Variants in NKAIN2 observed in about 807,000 individuals in gnomAD.
NKAIN2 encodes the protein sodium/potassium transporting ATPase interacting 2, also known as sodium/potassium-transporting ATPase subunit beta-1-interacting protein 2.
In NKAIN2, 14 loss-of-function variants were observed where a neutral mutation model predicts 32.6. The ratio of observed to expected loss-of-function variants is 0.43; its 90% CI spans 0.28 to 0.67. NKAIN2 has a LOEUF of 0.67. Among genes scored for constraint, NKAIN2 ranks in the 30% least tolerant of loss-of-function variants. The pLI, the probability that NKAIN2 is intolerant of heterozygous loss-of-function variation, is 0.17. For synonymous variants in NKAIN2, 80 were observed against 87.2 expected (o/e 0.92, Z 0.46); for missense variants, 198 against 258.3 (o/e 0.77, Z 1.60).
chr6:124,748,985 C>T (rs1777586750), intron 4 of NKAIN2, among the ~76,000 whole-genome samples: 1 of 151,968 alleles, frequency 6.6e-6, no homozygotes, highest in East Asian at 1.9e-4. Context: ...CTAACACAGT[C>T]TCACTGAGCT....
At chr6:124,771,368 A>C (rs1051681475) in intron 4 of NKAIN2, among the ~76,000 whole-genome samples, 2 of 152,216 alleles carry the variant, frequency 1.3e-5, no homozygotes, top group Non-Finnish European at 2.9e-5. Flanking sequence ...CCTCAAAAAA[A>C]TTGATAATTG....
chr6:124,089,175 A>G (rs887158093), intron 1 of NKAIN2, among the ~76,000 whole-genome samples: 3 of 151,956 alleles, frequency 2.0e-5, no homozygotes, highest in Non-Finnish European at 2.9e-5. Flanking sequence ...CAAGCTATAT[A>G]ACAAGTTAGA....
At chr6:124,711,103 T>G (rs1443546568) in intron 4 of NKAIN2, among the ~76,000 whole-genome samples, 35 of 143,620 alleles carry the variant, frequency 2.4e-4, no homozygotes, top group Non-Finnish European at 1.5e-5. Context: ...TTAGTTTGGC[T>G]GGATATGAAA....
intron 3 of NKAIN2, among the ~76,000 whole-genome samples, chr6:124,556,036 T>C (rs1264231727): frequency 1.3e-5 from 2 of 151,318 alleles, no homozygotes; most frequent in Non-Finnish European, 2.9e-5. Context: ...AAAAACTTCT[T>C]CCAATTCTCC....
At chr6:124,185,073 A>G (rs1362277450) in intron 1 of NKAIN2, among the ~76,000 whole-genome samples, 2 of 152,132 alleles carry the variant, frequency 1.3e-5, no homozygotes, top group African/African-American at 4.8e-5. Flanking sequence ...TTCCAATATA[A>G]TGATTTAAAT....
intron 3 of NKAIN2, among the ~76,000 whole-genome samples, chr6:124,360,032 A>C (rs1210066706): frequency 6.6e-6 from 1 of 152,170 alleles, no homozygotes; most frequent in Non-Finnish European, 1.5e-5. Context: ...TGAGATAATC[A>C]TGTGGTTTTT....
intron 1 of NKAIN2, among the ~76,000 whole-genome samples, chr6:123,804,912 T>A (rs1361292983): frequency 6.6e-6 from 1 of 152,152 alleles, no homozygotes; most frequent in Admixed American, 6.5e-5. Flanking sequence ...CACAGACAAT[T>A]CCAAGAAAAA....
intron 3 of NKAIN2, among the ~76,000 whole-genome samples, chr6:124,503,037 G>T (rs1469862240): frequency 1.3e-5 from 2 of 152,022 alleles, no homozygotes; most frequent in East Asian, 1.9e-4. Context: ...GATTAATTTT[G>T]AGACTTTCAA....
chr6:124,806,016 G>T (rs1354200495), intron 5 of NKAIN2, among the ~76,000 whole-genome samples: 1 of 152,060 alleles, frequency 6.6e-6, no homozygotes, highest in Non-Finnish European at 1.5e-5. Context: ...CGTCTGATTG[G>T]TGTACCTGAA....
intron 1 of NKAIN2, among the ~76,000 whole-genome samples, chr6:123,849,878 G>GTTT (rs748140054): frequency 1.0e-4 from 15 of 148,200 alleles, no homozygotes; most frequent in Non-Finnish European, 1.9e-4. Context: ...ATGAGTCAGT[G>GTTT]TTTATTATTA....
At chr6:124,371,693 CAA>C (rs10679200) in intron 3 of NKAIN2, among the ~76,000 whole-genome samples, 16 of 95,748 alleles carry the variant, frequency 1.7e-4, no homozygotes, top group Middle Eastern at 5.6e-3. Context: ...GACTCTGTCT[CAA>C]AAAAAAAAAA....
At chr6:123,992,204 A>G (rs1279960344) in intron 1 of NKAIN2, among the ~76,000 whole-genome samples, 2 of 152,176 alleles carry the variant, frequency 1.3e-5, no homozygotes, top group Non-Finnish European at 2.9e-5. Context: ...ATGATGTTCA[A>G]GAGAGAGAAA....
intron 3 of NKAIN2, chr6:124,438,030 T>C: frequency 2.9e-6 from 1 of 345,576 alleles, no homozygotes; most frequent in South Asian, 2.3e-5. Context: ...GGCATCATAT[T>C]AAATGAGTGC....
chr6:124,665,687 C>T (rs1413466684), intron 4 of NKAIN2, among the ~76,000 whole-genome samples: 1 of 152,090 alleles, frequency 6.6e-6, no homozygotes, highest in Non-Finnish European at 1.5e-5. Context: ...CTTCTATGTC[C>T]TAAATTGCTC....
At chr6:124,619,645 T>C (rs1783037325) in intron 3 of NKAIN2, among the ~76,000 whole-genome samples, 1 of 152,168 alleles carries the variant, frequency 6.6e-6, no homozygotes, top group African/African-American at 2.4e-5. Flanking sequence ...GACAGCATCA[T>C]AGAGATGCTA....
chr6:124,493,591 T>G (rs1336090949), intron 3 of NKAIN2, among the ~76,000 whole-genome samples: 1 of 151,864 alleles, frequency 6.6e-6, no homozygotes, highest in Non-Finnish European at 1.5e-5. Context: ...CTATCTTTTC[T>G]TTGTACTTCT....
chr6:123,850,149 C>T, intron 1 of NKAIN2, among the ~76,000 whole-genome samples: 1 of 151,268 alleles, frequency 6.6e-6, no homozygotes, highest in South Asian at 2.1e-4. Context: ...AACATGTGCA[C>T]TGATAATCCT....
At chr6:124,255,044 C>T (rs963484982) in intron 1 of NKAIN2, among the ~76,000 whole-genome samples, 1 of 152,132 alleles carries the variant, frequency 6.6e-6, no homozygotes, top group East Asian at 1.9e-4. Flanking sequence ...TAGTAGAGTC[C>T]GGCTGTCTAA....
intron 1 of NKAIN2, among the ~76,000 whole-genome samples, chr6:124,028,864 TACAC>T (rs1160772029): frequency 2.1e-5 from 1 of 47,430 alleles, no homozygotes; most frequent in Non-Finnish European, 6.1e-5. Flanking sequence ...TGTCTATATA[TACAC>T]ATATATGTAT....
Sources: gnomAD v4.1 joint callset for allele counts (sites outside exome capture counted in the v4.1 genomes callset) on GRCh38, gnomAD v4.1.1 for gene constraint, MANE v1.5 for transcripts, NCBI Gene and HGNC (gene_info 2026-07-23, HGNC 2026-07-21) for gene names.